PAPOLG: variants seen among roughly 807,000 people sequenced by gnomAD.
PAPOLG encodes poly(A) polymerase gamma.
A neutral mutation model predicts 99.0 loss-of-function variants in PAPOLG; 40 were observed. The ratio of observed to expected loss-of-function variants is 0.40; its 90% CI spans 0.31 to 0.53. The LOEUF is 0.53. Ranked by LOEUF, PAPOLG falls within the 20% of genes least tolerant of loss-of-function variation. The pLI, the probability that PAPOLG is intolerant of heterozygous loss-of-function variation, is 0.41. For missense variants in PAPOLG, 675 were observed against 884.1 expected (o/e 0.76, Z 3.00); for synonymous variants, 310 against 299.3 (o/e 1.04, Z -0.37).
At chr2:60,775,182 G>A in intron 8 of PAPOLG, 59 bp downstream of exon 8, 1 of 1,536,308 alleles carries the variant, frequency 6.5e-7, no homozygotes, top group Non-Finnish European at 8.8e-7. Context: ...TCTTGCCAGT[G>A]AAAGAAGCAT....
At chr2:60,790,432 T>C (rs1671496293) in intron 15 of PAPOLG, among the ~76,000 whole-genome samples, 1 of 152,244 alleles carries the variant, frequency 6.6e-6, no homozygotes, top group Admixed American at 6.5e-5. Flanking sequence ...AGTGGGCTTA[T>C]AATCTCATTG....
chr2:60,774,224 A>G (rs1421650573), intron 7 of PAPOLG, among the ~76,000 whole-genome samples: 1 of 151,640 alleles, frequency 6.6e-6, no homozygotes, highest in African/African-American at 2.4e-5. Flanking sequence ...TTGACTGCCA[A>G]GGTACCTGCA....
chr2:60,778,134 T>A (rs1307052069), intron 8 of PAPOLG, among the ~76,000 whole-genome samples: 1 of 151,980 alleles, frequency 6.6e-6, no homozygotes, highest in Non-Finnish European at 1.5e-5. Context: ...AAACGAGGTA[T>A]GCCTTTATAT....
chr2:60,768,599 T>G (rs1670756056), intron 4 of PAPOLG, 48 bp downstream of exon 4: 2 of 1,455,750 alleles, frequency 1.4e-6, no homozygotes, highest in African/African-American at 2.8e-5. Flanking sequence ...AATAACAAAC[T>G]CTTCATAATT....
At chr2:60,759,052 A>G (rs1244489310) in intron 1 of PAPOLG, among the ~76,000 whole-genome samples, 1 of 152,204 alleles carries the variant, frequency 6.6e-6, no homozygotes, top group Non-Finnish European at 1.5e-5. Context: ...GAAGTTGATT[A>G]GTTTGTGTAA....
chr2:60,771,760 T>G, intron 7 of PAPOLG, 130 bp downstream of exon 7: 1 of 949,684 alleles, frequency 1.1e-6, no homozygotes, highest in South Asian at 1.8e-5. Context: ...CTTATACAGA[T>G]AATGTGACCA....
intron 1 of PAPOLG, among the ~76,000 whole-genome samples, chr2:60,759,376 A>C (rs970175416): frequency 2.6e-5 from 4 of 152,058 alleles, no homozygotes; most frequent in African/African-American, 9.7e-5. Context: ...TCAAAAAAAA[A>C]AAGAAAAAAA....
chr2:60,764,256 T>A (rs1263252604), intron 3 of PAPOLG, among the ~76,000 whole-genome samples: 1 of 152,226 alleles, frequency 6.6e-6, no homozygotes, highest in Non-Finnish European at 1.5e-5. Context: ...TTTTTGTTTT[T>A]CATAGTTTTC....
chr2:60,789,485 T>C (rs1671466968), intron 15 of PAPOLG, among the ~76,000 whole-genome samples: 1 of 152,134 alleles, frequency 6.6e-6, no homozygotes, highest in African/African-American at 2.4e-5. Context: ...TTTGCCCACC[T>C]TGGCCTCTTT....
intron 12 of PAPOLG, 161 bp from the exon 13 acceptor site, chr2:60,782,995 A>T: frequency 2.0e-6 from 1 of 507,368 alleles, no homozygotes; most frequent in Non-Finnish European, 2.5e-6. Flanking sequence ...AGGACCTAGA[A>T]TTAATTTTGT....
chr2:60,781,429 T>G (rs1208527464), intron 10 of PAPOLG, among the ~76,000 whole-genome samples: 1 of 152,214 alleles, frequency 6.6e-6, no homozygotes, highest in South Asian at 2.1e-4. Flanking sequence ...GCAATACAAT[T>G]TAAAGCAAAT....
intron 3 of PAPOLG, among the ~76,000 whole-genome samples, chr2:60,763,927 C>G (rs537006441): frequency 6.6e-6 from 1 of 151,944 alleles, no homozygotes; most frequent in Non-Finnish European, 1.5e-5. Context: ...CTCAGCCTCC[C>G]GAGTAGCTGG....
chr2:60,783,340 T>TTTG, intron 13 of PAPOLG, 131 bp downstream of exon 13: 1 of 487,326 alleles, frequency 2.1e-6, no homozygotes. Context: ...TTTTTTTTTT[T>TTTG]TTTTGAGACA....
intron 8 of PAPOLG, among the ~76,000 whole-genome samples, chr2:60,777,551 A>G (rs1000173546): frequency 2.0e-5 from 3 of 152,212 alleles, no homozygotes; most frequent in Admixed American, 6.5e-5. Flanking sequence ...ATTTCTGTCA[A>G]TAACTTTTCC....
intron 1 of PAPOLG, 106 bp downstream of exon 1, chr2:60,756,601 C>A: frequency 8.0e-7 from 1 of 1,251,166 alleles, no homozygotes; most frequent in Non-Finnish European, 1.1e-6. Flanking sequence ...CTGCACGCAG[C>A]TCGCCGGGAT....
intron 10 of PAPOLG, 152 bp downstream of exon 10, chr2:60,780,931 G>GT (rs577306821): frequency 9.1e-6 from 6 of 658,296 alleles, no homozygotes; most frequent in Admixed American, 5.9e-5. Flanking sequence ...TTTTTGTTTT[G>GT]TTTTTTGTGC....
chr2:60,794,167 T>C lies in PAPOLG; in HGVS notation c.1965T>C (p.Pro655=). ...RSHSPSIDGT[P]KRLKDVEKFI... ...ATTCCCCATCCATAGATGGGACTCC[T>C]AAGAGGTTGAAAGACGTAGAAAAGG... Residue 655 remains proline (P), a synonymous_variant, in exon 19 of 22, where the codon CCT becomes CCC. Transcript: ENST00000238714. 1.9e-6 allele frequency: 3 copies of C among 1,612,392 alleles called. No homozygotes were observed. Among genetic ancestry groups the C allele is most frequent in the Non-Finnish European group, 2.5e-6 (3 of 1,178,516 alleles).
At position 60,783,157 on chromosome 2, in the gene PAPOLG, C is replaced by T; in HGVS notation, c.1114C>T (p.His372Tyr). ...TGATTGTTGCTGAAAATTCTTCAGA[C>T]ATTATATAGTATTGACTGCCAGCGC... is the stretch of plus-strand genomic sequence containing the variant. ...EPPNFFQKYR[H>Y]YIVLTASAST... Residue 372 changes from histidine (H) to tyrosine (Y), a missense_variant and splice_region_variant, in exon 13 of 22, where the codon CAT (histidine) becomes TAT (tyrosine). Coordinates refer to ENST00000238714, the MANE Select transcript of PAPOLG (RefSeq NM_022894.4). 6.4e-7 allele frequency: 1 copy of T among 1,573,526 alleles called. No homozygotes were observed. The highest frequency in any genetic ancestry group is 2.3e-5 in the East Asian group (1 of 43,454).
At chr2:60,779,552 C>T in intron 8 of PAPOLG, 85 bp from the exon 9 acceptor site, 1 of 1,398,070 alleles carries the variant, frequency 7.2e-7, no homozygotes, top group Non-Finnish European at 9.7e-7. Context: ...CACGGATATT[C>T]ATTCACCTTG....
Sources: allele counts gnomAD v4.1 joint callset (sites outside exome capture counted in the v4.1 genomes callset), GRCh38; gene constraint gnomAD v4.1.1; transcripts MANE v1.5; gene names NCBI Gene and HGNC (gene_info 2026-07-23, HGNC 2026-07-21).